The following SPECC1 variants were observed in gnomAD, a reference collection of about 807,000 sequenced individuals.
SPECC1 encodes the protein cytospin-B.
SPECC1 carries 62 observed loss-of-function variants against 104.1 expected under a neutral mutation model. The observed-to-expected ratio is 0.60, with a 90% CI of 0.49 to 0.74. The LOEUF is 0.74. SPECC1 is among the 30% of genes least tolerant of loss of function. The pLI is 0.00. For synonymous variants in SPECC1, 513 were observed against 501.6 expected (o/e 1.02, Z -0.30); for missense variants, 1,306 against 1,310.5 (o/e 1.00, Z 0.05).
rs145263872 is a variant in SPECC1, at chr17:20,154,790, G to A, written c.283+44228G>A. The stretch of plus-strand genomic sequence containing the variant: ...TCCTGGCAGGAGATGACAGCGGCTT[G>A]GATCGGGGGTAGCAGTGGAGGAGGT... On this transcript the variant is annotated intron_variant, in intron 3 of 14. Coordinates refer to ENST00000395527, the MANE Select transcript of SPECC1 (RefSeq NM_001243439.2). Among the ~76,000 whole-genome samples, 137 of 152,294 alleles carry A rather than the reference G, an allele frequency of 9.0e-4. 1 individual carries two copies. Among genetic ancestry groups the A allele is most frequent in the Admixed American group, 4.1e-3 (62 of 15,294 alleles).
chr17:20,050,873 A>AACTCTTAGAAAACTAATGC (rs1480596460), intron 1 of SPECC1, among the ~76,000 whole-genome samples: 8 of 152,232 alleles, frequency 5.3e-5, no homozygotes, highest in Non-Finnish European at 1.2e-4. Context: ...AGTTACTAGT[A>AACTCTTAGAAAACTAATGC]ACTCTTAGAA....
intron 14 of SPECC1, among the ~76,000 whole-genome samples, chr17:20,309,815 C>CTT (rs763244105): frequency 5.1e-4 from 53 of 103,362 alleles, no homozygotes; most frequent in Non-Finnish European, 4.1e-4. Context: ...TTCTCCTTTT[C>CTT]TTTTTTTTTT....
At chr17:20,236,490 T>C (rs957171880) in intron 7 of SPECC1, among the ~76,000 whole-genome samples, 7 of 152,126 alleles carry the variant, frequency 4.6e-5, no homozygotes, top group African/African-American at 1.7e-4. Flanking sequence ...AGGTTGCAGT[T>C]ATAAAAGCAA....
At chr17:20,224,941 A>G (rs1221462741) in intron 4 of SPECC1, among the ~76,000 whole-genome samples, 2 of 152,120 alleles carry the variant, frequency 1.3e-5, no homozygotes, top group East Asian at 1.9e-4. Flanking sequence ...GTGGCCCATG[A>G]TGAGTACTGT....
At chr17:20,040,377 T>C (rs2045276708) in intron 1 of SPECC1, among the ~76,000 whole-genome samples, 1 of 152,240 alleles carries the variant, frequency 6.6e-6, no homozygotes, top group South Asian at 2.1e-4. Context: ...TAAGAGGAGA[T>C]AGAAATTTTA....
At chr17:20,035,636 G>A (rs896065299) in intron 1 of SPECC1, among the ~76,000 whole-genome samples, 5 of 151,232 alleles carry the variant, frequency 3.3e-5, no homozygotes, top group Non-Finnish European at 7.4e-5. Flanking sequence ...ATAGAGATGT[G>A]GTCTCATTAT....
intron 13 of SPECC1, among the ~76,000 whole-genome samples, chr17:20,301,230 C>G (rs1327738183): frequency 6.6e-6 from 1 of 152,098 alleles, no homozygotes; most frequent in African/African-American, 2.4e-5. Context: ...CGGGGGGAAT[C>G]TTACTAGAGC....
intron 1 of SPECC1, among the ~76,000 whole-genome samples, chr17:20,043,991 A>C (rs972220980): frequency 1.6e-4 from 24 of 152,158 alleles, no homozygotes; most frequent in Non-Finnish European, 4.4e-5. Context: ...TTATATTCAC[A>C]GTATTTAGCA....
intron 9 of SPECC1, among the ~76,000 whole-genome samples, chr17:20,249,155 C>A (rs1363200606): frequency 6.6e-6 from 1 of 152,182 alleles, no homozygotes; most frequent in Admixed American, 6.5e-5. Flanking sequence ...TGCAGTGGCT[C>A]ATGCCTGTAA....
chr17:20,175,937 C>G (rs1031746105), intron 3 of SPECC1, among the ~76,000 whole-genome samples: 49 of 152,324 alleles, frequency 3.2e-4, no homozygotes, highest in South Asian at 1.7e-3. Flanking sequence ...CCATACTGAC[C>G]TATGGCACAT....
chr17:20,047,773 A>G (rs951389276), intron 1 of SPECC1, among the ~76,000 whole-genome samples: 1 of 151,588 alleles, frequency 6.6e-6, no homozygotes, highest in African/African-American at 2.4e-5. Context: ...AATTTTTTGT[A>G]TTTTTAGTAG....
At chr17:20,095,176 C>T (rs73981808) in intron 1 of SPECC1, among the ~76,000 whole-genome samples, 2,172 of 152,098 alleles carry the variant, frequency 0.014, 41 homozygotes, top group African/African-American at 0.049. Flanking sequence ...CAATAAAAAT[C>T]GTGGGTTGAA....
Position 20,227,517 on chromosome 17 carries a change from A to G in SPECC1, c.1968A>G (p.Ala656=), listed in dbSNP as rs773824461. The G allele has an allele frequency of 8.1e-6, 13 of 1,613,534 alleles. No homozygotes were observed. Among genetic ancestry groups the G allele is most frequent in the African/African-American group, 1.3e-5 (1 of 75,006 alleles). ...AAGAAAAAGCATCAGAGAGTGATGC[A>G]GAGATCAAAGACATGAAAGAAACCA... The part of the protein sequence containing the change: ...KLQEKASESD[A]EIKDMKETIF... Residue 656 remains alanine (A), a synonymous_variant, in exon 5 of 15, where the codon GCA becomes GCG. Transcript: ENST00000395527.
intron 1 of SPECC1, among the ~76,000 whole-genome samples, chr17:20,085,142 T>G (rs895679188): frequency 6.6e-6 from 1 of 152,142 alleles, no homozygotes; most frequent in African/African-American, 2.4e-5. Flanking sequence ...TGCTGGTCAT[T>G]TGCTGTGCCT....
chr17:20,224,959 C>G (rs1357633209), intron 4 of SPECC1, among the ~76,000 whole-genome samples: 1 of 152,170 alleles, frequency 6.6e-6, no homozygotes, highest in Non-Finnish European at 1.5e-5. Flanking sequence ...TGTGTGGGTA[C>G]CACTGATGTT....
chr17:20,180,873 C>T (rs1023833761), intron 3 of SPECC1, among the ~76,000 whole-genome samples: 2 of 151,674 alleles, frequency 1.3e-5, no homozygotes, highest in Non-Finnish European at 2.9e-5. Context: ...GTACATTTTC[C>T]CCTAGGTCTA....
intron 1 of SPECC1, among the ~76,000 whole-genome samples, chr17:20,012,997 C>T (rs73296086): frequency 0.023 from 3,494 of 152,216 alleles, 140 homozygotes; most frequent in African/African-American, 0.079. Flanking sequence ...ATGTAATGCC[C>T]TCAAGGTTCA....
chr17:20,253,613 T>C lies in SPECC1; in HGVS notation c.2680+27T>C, dbSNP rs144344214. 3,515 of 1,604,942 alleles carry C rather than the reference T, an allele frequency of 2.2e-3. 32 individuals carry two copies. Among genetic ancestry groups the C allele is most frequent in the South Asian group, 0.02 (1,789 of 90,538 alleles). On this transcript the variant is annotated intron_variant, in intron 10 of 14. Coordinates refer to ENST00000395527, the MANE Select transcript of SPECC1 (RefSeq NM_001243439.2). ...TAAATTATGTCAACATAAAGAACTTTTGACTTATCTTTCCGTGCAGTTAAC... is the reference window on the plus strand; with the variant it reads ...TAAATTATGTCAACATAAAGAACTTCTGACTTATCTTTCCGTGCAGTTAAC...
chr17:20,202,100 A>G (rs935858914), intron 3 of SPECC1, among the ~76,000 whole-genome samples: 5 of 152,244 alleles, frequency 3.3e-5, no homozygotes, highest in African/African-American at 1.2e-4. Context: ...ACATGGTGCT[A>G]TTCATAGTTG....
Sources: allele counts gnomAD v4.1 joint callset (sites outside exome capture counted in the v4.1 genomes callset), GRCh38; gene constraint gnomAD v4.1.1; transcripts MANE v1.5; gene names NCBI Gene and HGNC (gene_info 2026-07-23, HGNC 2026-07-21).